Variants in PKHD1 observed in about 807,000 individuals in gnomAD.
PKHD1 encodes PKHD1 ciliary IPT domain containing fibrocystin/polyductin.
A neutral mutation model predicts 412.0 loss-of-function variants in PKHD1; 291 were observed. The observed-to-expected ratio is 0.71, with a 90% confidence interval of 0.64 to 0.78. The LOEUF (loss-of-function observed/expected upper bound fraction) is 0.78, where lower values mean the gene tolerates loss of function less well. Ranked by LOEUF, PKHD1 falls within the 30% of genes least tolerant of loss-of-function variation. PKHD1 has a pLI of 0.00. For missense variants in PKHD1, 4,825 were observed against 4,950.7 expected (o/e 0.97, Z 0.76); for synonymous variants, 1,777 against 1,821.5 (o/e 0.98, Z 0.62).
intron 63 of PKHD1, among the ~76,000 whole-genome samples, chr6:51,646,935 G>T: frequency 6.6e-6 from 1 of 152,034 alleles, no homozygotes; most frequent in East Asian, 1.9e-4. Context: ...CTTGGAACTG[G>T]CCTGCTTAAA....
chr6:51,749,759 G>A (rs1279347903), intron 57 of PKHD1, among the ~76,000 whole-genome samples: 2 of 152,222 alleles, frequency 1.3e-5, no homozygotes, highest in East Asian at 3.9e-4. Context: ...TTAACCCCAT[G>A]CAGGCATCCT....
Position 51,746,209 on chromosome 6 carries a change from G to A in PKHD1, c.9998+512C>T, listed in dbSNP as rs145044093. On this transcript the variant is annotated intron_variant, in intron 59 of 66. Transcript: ENST00000371117. The stretch of plus-strand genomic sequence containing the variant: ...ATACCAATATCTGCTAGACCTCATC[G>A]TTCAGTTCAGAGATTCCTGTCAGCA... Among the ~76,000 whole-genome samples the A allele has an allele frequency of 4.7e-4, 71 of 152,120 alleles. 1 individual carries two copies. In the East Asian group the frequency reaches 0.01, roughly 22 times the overall value.
At chr6:51,733,637 T>A (rs955135978) in intron 60 of PKHD1, among the ~76,000 whole-genome samples, 3 of 152,072 alleles carry the variant, frequency 2.0e-5, no homozygotes, top group Non-Finnish European at 2.9e-5. Flanking sequence ...TAAAAAAATG[T>A]CATATATTGG....
chr6:52,036,872 T>C (rs1562198663), intron 27 of PKHD1, among the ~76,000 whole-genome samples: 1 of 152,208 alleles, frequency 6.6e-6, no homozygotes, highest in East Asian at 1.9e-4. Context: ...CATATCTTTA[T>C]AAATTAAAGC....
chr6:51,950,759 G>A (rs1306429186), intron 36 of PKHD1, among the ~76,000 whole-genome samples: 1 of 152,122 alleles, frequency 6.6e-6, no homozygotes, highest in Non-Finnish European at 1.5e-5. Flanking sequence ...GAAAATACAA[G>A]CCTGGAATTA....
chr6:52,008,929 A>C (rs911304686), intron 35 of PKHD1, among the ~76,000 whole-genome samples: 4 of 152,192 alleles, frequency 2.6e-5, no homozygotes, highest in Non-Finnish European at 5.9e-5. Flanking sequence ...TTGCACATCT[A>C]AGCATCCCAA....
chr6:51,845,774 A>C (rs1771044352), intron 50 of PKHD1, among the ~76,000 whole-genome samples: 1 of 152,224 alleles, frequency 6.6e-6, no homozygotes, highest in Non-Finnish European at 1.5e-5. Context: ...TTCAATTAAT[A>C]ATGCTATCAT....
intron 52 of PKHD1, among the ~76,000 whole-genome samples, chr6:51,824,530 G>A (rs1190270450): frequency 6.6e-6 from 1 of 152,074 alleles, no homozygotes; most frequent in Non-Finnish European, 1.5e-5. Context: ...CTAAAAGGAA[G>A]GAGAAATAGA....
chr6:52,054,405 AT>A (rs1408540191), intron 19 of PKHD1, among the ~76,000 whole-genome samples: 1 of 152,246 alleles, frequency 6.6e-6, no homozygotes. Flanking sequence ...GACCAAAAAA[AT>A]GTCATCAAAC....
intron 63 of PKHD1, among the ~76,000 whole-genome samples, chr6:51,646,154 T>C (rs998497502): frequency 1.3e-5 from 2 of 152,184 alleles, no homozygotes; most frequent in Non-Finnish European, 2.9e-5. Context: ...CTAGGTTATA[T>C]CAGGTTGACA....
chr6:51,820,295 A>G (rs1262103988), intron 52 of PKHD1, among the ~76,000 whole-genome samples: 1 of 152,242 alleles, frequency 6.6e-6, no homozygotes, highest in African/African-American at 2.4e-5. Context: ...ACATTATTCT[A>G]TTAATACAGT....
intron 48 of PKHD1, among the ~76,000 whole-genome samples, chr6:51,861,337 A>G (rs1380301982): frequency 2.0e-5 from 3 of 152,202 alleles, no homozygotes; most frequent in African/African-American, 7.2e-5. Context: ...GTTTACCATT[A>G]GCTTACTTTT....
chr6:52,056,479 A>G (rs1469781096), intron 18 of PKHD1, among the ~76,000 whole-genome samples: 2 of 152,092 alleles, frequency 1.3e-5, no homozygotes, highest in Non-Finnish European at 2.9e-5. Flanking sequence ...CTAACAGCCC[A>G]GGAGGAATGC....
intron 5 of PKHD1, among the ~76,000 whole-genome samples, chr6:52,076,567 A>G (rs536509289): frequency 5.5e-4 from 84 of 152,312 alleles, no homozygotes; most frequent in Non-Finnish European, 1.1e-3. Context: ...GATTAAGGTC[A>G]CATAGCCCTC....
At chr6:51,702,266 T>C (rs1779540469) in intron 60 of PKHD1, among the ~76,000 whole-genome samples, 1 of 131,668 alleles carries the variant, frequency 7.6e-6, no homozygotes, top group African/African-American at 2.8e-5. Flanking sequence ...AGGAATAAAT[T>C]AGTGGCATTT....
At chr6:52,010,224 G>A in intron 35 of PKHD1, 85 bp downstream of exon 35, 2 of 1,187,828 alleles carry the variant, frequency 1.7e-6, no homozygotes. Flanking sequence ...CTGCCATTTG[G>A]ACTAAATTGT....
At chr6:51,804,366 G>A (rs1247207084) in intron 52 of PKHD1, among the ~76,000 whole-genome samples, 1 of 103,450 alleles carries the variant, frequency 9.7e-6, no homozygotes, top group African/African-American at 3.5e-5. Context: ...CATTGGGGGG[G>A]GGGGGGGCGG....
At chr6:51,837,173 T>C (rs1769379025) in intron 50 of PKHD1, among the ~76,000 whole-genome samples, 1 of 152,152 alleles carries the variant, frequency 6.6e-6, no homozygotes, top group South Asian at 2.1e-4. Flanking sequence ...CCTGATTAAT[T>C]AGTAATCAGG....
Position 51,855,923 on chromosome 6 carries a change from A to G in PKHD1, c.7881T>C (p.Ser2627=). 6 of 1,614,058 alleles carry G rather than the reference A, an allele frequency of 3.7e-6. No individual in the cohort carries two copies. The highest frequency in any genetic ancestry group is 5.1e-6 in the Non-Finnish European group (6 of 1,179,858). The change falls in exon 49 of 67, where the codon TCT becomes TCC. Residue 2627 remains serine (S), a synonymous_variant. Transcript: ENST00000371117. ...GAGATCTGTTGATCCAAAGGTTCTC[A>G]GATTGCAATGAGTAGGTCTCTTGGT... ...LLDQETYSLQ[S]ENLWINRSLQ... is the part of the protein sequence containing the mutation.
Sources: allele counts gnomAD v4.1 joint callset (sites outside exome capture counted in the v4.1 genomes callset), GRCh38; gene constraint gnomAD v4.1.1; transcripts MANE v1.5; gene names NCBI Gene and HGNC (gene_info 2026-07-23, HGNC 2026-07-21).